The following NECAB2 variants were observed in gnomAD, a reference collection of about 807,000 sequenced individuals.
NECAB2 encodes the protein N-terminal EF-hand calcium-binding protein 2.
In NECAB2, 68 loss-of-function variants were observed where a neutral mutation model predicts 51.9. The observed-to-expected ratio is 1.31, with a 90% CI of 1.08 to 1.60. NECAB2 has a LOEUF of 1.60. Ranked by LOEUF, NECAB2 falls within the 40% of genes most tolerant of loss-of-function variation. The probability of loss-of-function intolerance (pLI) is 0.00; values close to 1 mark genes in which losing one functional copy is unlikely to be tolerated. For missense variants in NECAB2, 854 were observed against 490.3 expected, an observed-to-expected ratio of 1.74 and a Z score of -7.00; for synonymous variants, 329 against 203.5, an observed-to-expected ratio of 1.62 and a Z score of -5.25.
intron 1 of NECAB2, among the ~76,000 whole-genome samples, chr16:83,970,280 T>C (rs1048161999): frequency 6.6e-6 from 1 of 152,038 alleles, no homozygotes; most frequent in African/African-American, 2.4e-5. Context: ...GCCATGTCAC[T>C]CATGTGTTCA....
chr16:83,985,313 C>CAAAAAAAAAAAAAAAAAAAAAAA (rs71148868), intron 5 of NECAB2, among the ~76,000 whole-genome samples: 2 of 30,194 alleles, frequency 6.6e-5, no homozygotes, highest in Non-Finnish European at 7.9e-5. Context: ...ATCTCTGTCT[C>CAAAAAAAAAAAAAAAAAAAAAAA]AAAAAAAAAA....
In NECAB2 at chr16:83,987,336, G is replaced by A. The variant is rs148246345; in HGVS notation, c.460-3158G>A. On this transcript the variant is annotated intron_variant, in intron 5 of 12. Coordinates refer to ENST00000305202, the MANE Select transcript of NECAB2 (RefSeq NM_019065.3). ...TAGCTAATTTCTCATACTAAATTGC[G>A]TTTTGTCATTAAATCTTTGTGTTTC... Among the ~76,000 whole-genome samples the A allele has an allele frequency of 1.7e-3, 265 of 152,158 alleles. 3 individuals carry two copies. In the East Asian group the frequency reaches 0.037, roughly 21 times the overall value.
intron 2 of NECAB2, among the ~76,000 whole-genome samples, chr16:83,975,253 G>A (rs2084395733): frequency 2.8e-5 from 4 of 144,684 alleles, no homozygotes; most frequent in Admixed American, 1.4e-4. Flanking sequence ...AATGTGAACC[G>A]GTGTGCAGGG....
chr16:83,988,032 G>A lies in NECAB2; in HGVS notation c.460-2462G>A, dbSNP rs564670610. On this transcript the variant is annotated intron_variant, in intron 5 of 12. Transcript: ENST00000305202. The stretch of plus-strand genomic sequence containing the variant: ...CTCATTTAAATTCTAACTTGATAGT[G>A]ATATTGTACCTTATGCTGTTCAATC... Among the ~76,000 whole-genome samples, 15 of 152,314 alleles carry A rather than the reference G, an allele frequency of 9.8e-5. 1 individual carries two copies. The South Asian group carries it at 3.1e-3, about 32-fold the overall frequency.
chr16:83,981,909 C>T (rs905373427), intron 5 of NECAB2, among the ~76,000 whole-genome samples: 1 of 152,182 alleles, frequency 6.6e-6, no homozygotes, highest in African/African-American at 2.4e-5. Context: ...CAGAAAAGCC[C>T]AGCCTTGTCT....
intron 1 of NECAB2, among the ~76,000 whole-genome samples, chr16:83,970,325 C>CT (rs1423435849): frequency 1.3e-5 from 2 of 152,198 alleles, no homozygotes; most frequent in African/African-American, 4.8e-5. Flanking sequence ...TACCTGGTGC[C>CT]TGGCCTCAAG....
intron 11 of NECAB2, 40 bp downstream of exon 11, chr16:84,000,841 GGGAA>G: frequency 7.2e-7 from 1 of 1,389,224 alleles, no homozygotes. Context: ...GGGAGACAGA[GGGAA>G]GTGGGGGGGC....
At chr16:83,978,403 T>C (rs1242685999) in intron 2 of NECAB2, 41 bp from the exon 3 acceptor site, 1 of 1,566,788 alleles carries the variant, frequency 6.4e-7, no homozygotes, top group Non-Finnish European at 8.8e-7. Context: ...CAGCCTTATC[T>C]CTGCAGACAC....
At chr16:84,000,920 G>T (rs543122953) in intron 11 of NECAB2, 119 bp downstream of exon 11, 1 of 977,604 alleles carries the variant, frequency 1.0e-6, no homozygotes, top group Non-Finnish European at 1.6e-6. Context: ...GCAGATTCCC[G>T]AGGCATCTAC....
At chr16:83,993,982 C>T (rs1190874717) in intron 6 of NECAB2, among the ~76,000 whole-genome samples, 3 of 152,132 alleles carry the variant, frequency 2.0e-5, no homozygotes, top group Non-Finnish European at 2.9e-5. Flanking sequence ...CCGAAAGCTT[C>T]GAGCTGTTAG....
chr16:83,999,888 AAAGGTTTTTTG>A (rs2084787619), intron 10 of NECAB2, among the ~76,000 whole-genome samples: 2 of 150,646 alleles, frequency 1.3e-5, no homozygotes, highest in African/African-American at 5.0e-5. Flanking sequence ...TTTGATTTTT[AAAGGTTTTTTG>A]AGACCAAATC....
chr16:84,000,937 G>T lies in NECAB2; in HGVS notation c.1040+136G>T. Reference sequence around the variant, plus strand: ...AGATTCCCGAGGCATCTACCCGCTGGCATGCTTGCGTCAGTAAACCCTGGT... The same window carrying T: ...AGATTCCCGAGGCATCTACCCGCTGTCATGCTTGCGTCAGTAAACCCTGGT... On this transcript the variant is annotated intron_variant, in intron 11 of 12. Coordinates refer to ENST00000305202, the MANE Select transcript of NECAB2 (RefSeq NM_019065.3). 3 of 812,162 alleles carry T rather than the reference G, an allele frequency of 3.7e-6. No homozygotes were observed. The East Asian group carries it at 7.8e-5, about 21-fold the overall frequency. The allele number at this position is 812,162 out of a possible 1,614,324, so 50.3% of individuals were successfully genotyped here. A position where few individuals can be genotyped will look rare whatever the true frequency, so the allele number is the denominator to read the frequency against.
At chr16:83,985,272 C>T (rs2084538194) in intron 5 of NECAB2, among the ~76,000 whole-genome samples, 2 of 126,814 alleles carry the variant, frequency 1.6e-5, no homozygotes, top group African/African-American at 6.1e-5. Flanking sequence ...GAGACTGCGC[C>T]ATTGCACTCC....
intron 2 of NECAB2, among the ~76,000 whole-genome samples, chr16:83,975,164 G>C (rs1247720721): frequency 8.5e-6 from 1 of 117,032 alleles, no homozygotes; most frequent in Non-Finnish European, 1.6e-5. Flanking sequence ...GGAGGTGTGG[G>C]TGCAGGGATG....
chr16:84,001,953 G>T, intron 12 of NECAB2, 37 bp downstream of exon 12: 2 of 1,599,234 alleles, frequency 1.3e-6, no homozygotes, highest in South Asian at 1.1e-5. Context: ...GTGGCCACCT[G>T]ACTGGAGAGA....
rs781346988 is a variant in NECAB2 at position 83,994,589 on chromosome 16, T to G, written c.716-20T>G. ...GTCCTGCCCACCACTGAAGTCTGTG[T>G]GTCTCTTTCTCTACCGCAGCCACGG... On this transcript the variant is annotated intron_variant, in intron 7 of 12. Coordinates refer to ENST00000305202, the MANE Select transcript of NECAB2 (RefSeq NM_019065.3). 1.2e-6 allele frequency: 2 copies of G among 1,613,996 alleles called. No individual in the cohort carries two copies. The highest frequency in any genetic ancestry group is 1.7e-6 in the Non-Finnish European group (2 of 1,179,948).
chr16:83,989,170 C>T (rs536318093), intron 5 of NECAB2, among the ~76,000 whole-genome samples: 3 of 152,224 alleles, frequency 2.0e-5, no homozygotes, highest in East Asian at 1.9e-4. Flanking sequence ...TTTGGCCATT[C>T]GCGTGTCTGG....
intron 5 of NECAB2, among the ~76,000 whole-genome samples, chr16:83,982,920 G>A (rs190766465): frequency 9.9e-5 from 15 of 151,584 alleles, no homozygotes; most frequent in Non-Finnish European, 1.9e-4. Flanking sequence ...CCAGGCTGGA[G>A]TGCAGTGATA....
chr16:83,985,313 C>CAAAAAAAA (rs71148868), intron 5 of NECAB2, among the ~76,000 whole-genome samples: 8 of 30,194 alleles, frequency 2.6e-4, no homozygotes, highest in Admixed American at 7.6e-4. Flanking sequence ...ATCTCTGTCT[C>CAAAAAAAA]AAAAAAAAAA....
Sources: allele counts gnomAD v4.1 joint callset (sites outside exome capture counted in the v4.1 genomes callset), GRCh38; gene constraint gnomAD v4.1.1; transcripts MANE v1.5; gene names NCBI Gene and HGNC (gene_info 2026-07-23, HGNC 2026-07-21).